The following TRMT5 variants were observed in gnomAD, a reference collection of about 807,000 sequenced individuals.
TRMT5 encodes the protein tRNA (guanine(37)-N(1))-methyltransferase.
A neutral mutation model predicts 42.2 loss-of-function variants in TRMT5; 31 were observed. The ratio of observed to expected loss-of-function variants is 0.73; its 90% CI spans 0.55 to 0.99. The LOEUF is 0.99. Ranked by LOEUF, TRMT5 falls within the 50% of genes least tolerant of loss-of-function variation. TRMT5 has a pLI of 0.00. For missense variants in TRMT5, 568 were observed against 595.0 expected (o/e 0.95, Z 0.47); for synonymous variants, 198 against 209.6 (o/e 0.94, Z 0.48).
intron 2 of TRMT5, 112 bp from the exon 3 acceptor site, chr14:60,977,750 C>T: frequency 3.8e-6 from 4 of 1,061,396 alleles, no homozygotes; most frequent in South Asian, 4.0e-5. Flanking sequence ...ATAAAGACTG[C>T]ACCTACTGTG....
chr14:60,972,380 A>G lies in TRMT5; in HGVS notation c.*2729T>C. The G allele has an allele frequency of 3.7e-6, 2 of 542,162 alleles. No homozygotes were observed. The highest frequency in any genetic ancestry group is 2.8e-5 in the South Asian group (2 of 72,098). 33.6% of individuals were successfully genotyped at this position (542,162 alleles called of 1,614,324 possible). On this transcript the variant is annotated 3_prime_UTR_variant, in exon 5 of 5. Transcript: ENST00000261249. ...CTGGCTTTGGAGGAGCAGGTTTAGC[A>G]GACAACCTCGCAGATCTTCTCTGTG... is the stretch of plus-strand genomic sequence containing the variant.
chr14:60,977,486 C>G, intron 3 of TRMT5, 28 bp downstream of exon 3: 1 of 1,582,508 alleles, frequency 6.3e-7, no homozygotes, highest in Non-Finnish European at 8.6e-7. Context: ...TATTGATATA[C>G]ACCTTACTTG....
In TRMT5 at chr14:60,975,820, C is replaced by G. The variant is rs115955317; in HGVS notation, c.1099G>C (p.Glu367Gln). Residue 367 changes from glutamate to glutamine, a missense_variant, in exon 4 of 5, where the codon GAG becomes CAG. Transcript: ENST00000261249. ...KDFLQGPVKE[E>Q]LMQLLGLSKE... ...GACAGACCCAGCAGCTGCATTAACT[C>G]TTCTTTGACTGGTCCTTGGAGGAAG... 1.0e-3 allele frequency: 1,681 copies of G among 1,614,202 alleles called. 11 individuals carry two copies. The African/African-American group carries it at 0.018, about 17-fold the overall frequency.
Position 60,976,025 on chromosome 14 carries a change from A to C in TRMT5, c.894T>G (p.Pro298=). The part of the protein sequence containing the change: ...EHSRITELLK[P]GDVLFDVFAG... ...CAAAAACATCAAATAGGACATCCCC[A>C]GGTTTGAGAAGTTCTGTGATACGGC... Residue 298 remains proline, a synonymous_variant, in exon 4 of 5, where the codon CCT becomes CCG. Coordinates refer to ENST00000261249, the MANE Select transcript of TRMT5 (RefSeq NM_020810.3). The C allele has an allele frequency of 1.4e-5, 23 of 1,614,232 alleles. No individual in the cohort carries two copies. The highest frequency in any genetic ancestry group is 1.9e-5 in the Non-Finnish European group (22 of 1,180,028).
rs758022310 is a variant in TRMT5 at position 60,981,056 on chromosome 14, C to T, written c.-83G>A. ...TCCGGTACCGATCGGATGTGGGTCG[C>T]GGGTGGATGGGCGGGTCTTCTATGA... On this transcript the variant is annotated 5_prime_UTR_variant, in exon 1 of 5. Transcript: ENST00000261249. The T allele has an allele frequency of 1.9e-6, 3 of 1,607,864 alleles. No homozygotes were observed. The highest frequency in any genetic ancestry group is 2.5e-6 in the Non-Finnish European group (3 of 1,179,882).
At chr14:60,976,528 A>C (rs941044803) in intron 3 of TRMT5, among the ~76,000 whole-genome samples, 1 of 152,192 alleles carries the variant, frequency 6.6e-6, no homozygotes, top group African/African-American at 2.4e-5. Flanking sequence ...CACACCACCC[A>C]TATCTTCATG....
chr14:60,975,001 AGTACAAGG>A lies in TRMT5; in HGVS notation c.*100_*107del, dbSNP rs2036823111. On this transcript the variant is annotated 3_prime_UTR_variant, in exon 5 of 5. Coordinates refer to ENST00000261249, the MANE Select transcript of TRMT5 (RefSeq NM_020810.3). ...ATCCTCAATTTGTAAAATAAGGCAA[AGTACAAGG>A]GTTCAATAGTAAAAACCAAACCCTA... 2.7e-6 allele frequency: 2 copies of A among 735,036 alleles called. No homozygotes were observed. Among genetic ancestry groups the A allele is most frequent in the South Asian group, 3.0e-5 (1 of 33,566 alleles). 45.5% of individuals were successfully genotyped at this position (735,036 alleles called of 1,614,324 possible).
In TRMT5 at chr14:60,974,700, G is replaced by A. The variant is rs1430843768; in HGVS notation, c.*409C>T. 2 of 152,380 alleles carry A rather than the reference G, an allele frequency of 1.3e-5. No individual in the cohort carries two copies. Among genetic ancestry groups the A allele is most frequent in the African/African-American group, 2.4e-5 (1 of 41,394 alleles). 9.4% of individuals were successfully genotyped at this position (152,380 alleles called of 1,614,324 possible). Reference sequence around the variant, plus strand: ...CTGCAGGATGTAGTTTGCCTGCCCCGTTCTAAATAATTTCATTTTTTATTA... The same window carrying A: ...CTGCAGGATGTAGTTTGCCTGCCCCATTCTAAATAATTTCATTTTTTATTA... On this transcript the variant is annotated 3_prime_UTR_variant, in exon 5 of 5. Transcript: ENST00000261249.
rs1435215109 is a variant in TRMT5, at chr14:60,981,017, C to A, written c.-44G>T. ...TCTGCAGCTGGATCCGCGAGCCGAC[C>A]CCTCACCTCCCGCTCCGGTACCGAT... On this transcript the variant is annotated 5_prime_UTR_variant, in exon 1 of 5. Coordinates refer to ENST00000261249, the MANE Select transcript of TRMT5 (RefSeq NM_020810.3). The A allele has an allele frequency of 6.2e-7, 1 of 1,611,128 alleles. No homozygotes were observed. Among genetic ancestry groups the A allele is most frequent in the Admixed American group, 1.7e-5 (1 of 60,024 alleles).
chr14:60,979,891 A>T lies in TRMT5; in HGVS notation c.12-5T>A. ...CCAAATGGCCTCCATAAGATCCTTA[A>T]AAAAAAAAAAAAAAAATTCACACAC... is the stretch of plus-strand genomic sequence containing the variant. On this transcript the variant is annotated splice_polypyrimidine_tract_variant and splice_region_variant and intron_variant, in intron 1 of 4. Transcript: ENST00000261249. The T allele has an allele frequency of 1.9e-6, 2 of 1,064,506 alleles. No individual in the cohort carries two copies. Among genetic ancestry groups the T allele is most frequent in the Non-Finnish European group, 2.5e-6 (2 of 792,108 alleles). The allele number at this position is 1,064,506 out of a possible 1,614,324, so 65.9% of individuals were successfully genotyped here.
chr14:60,979,211 T>C lies in TRMT5; in HGVS notation c.667+20A>G, dbSNP rs950737522. On this transcript the variant is annotated intron_variant, in intron 2 of 4. Coordinates refer to ENST00000261249, the MANE Select transcript of TRMT5 (RefSeq NM_020810.3). ...TGCAAATTCCCTTCAAATACATGAA[T>C]ATTACTATGACACACGTACCAATTA... 1.9e-6 allele frequency: 3 copies of C among 1,540,802 alleles called. No homozygotes were observed. In the African/African-American group the frequency reaches 4.2e-5, roughly 21 times the overall value.
chr14:60,980,582 T>C (rs1267552172), intron 1 of TRMT5, among the ~76,000 whole-genome samples: 1 of 152,220 alleles, frequency 6.6e-6, no homozygotes, highest in Non-Finnish European at 1.5e-5. Flanking sequence ...GCTTTGCTGA[T>C]TGTTATATGC....
rs1334416048 is a variant in TRMT5, at chr14:60,977,547, T to A, written c.759A>T (p.Glu253Asp). The A allele has an allele frequency of 6.2e-7, 1 of 1,611,546 alleles. No individual in the cohort carries two copies. Among genetic ancestry groups the A allele is most frequent in the South Asian group, 1.1e-5 (1 of 90,680 alleles). Residue 253 changes from glutamate (E) to aspartate (D), a missense_variant, in exon 3 of 5, where the codon GAA (glutamate) becomes GAT (aspartate). Physicochemically the swap from Glu to Asp is conservative, Grantham distance 45. Coordinates refer to ENST00000261249, the MANE Select transcript of TRMT5 (RefSeq NM_020810.3). ...IDNMYRNFQM[E>D]VLSGEQNMMT... ...TCATGTTCTGCTCTCCAGATAGCAC[T>A]TCCATTTGGAAATTTCGGTACATAT...
chr14:60,981,080 G>T, upstream of TRMT5: 1 of 1,603,664 alleles, frequency 6.2e-7, no homozygotes, highest in South Asian at 1.1e-5. Flanking sequence ...GGTCTTCTAT[G>T]ACATCATCAC....
chr14:60,979,448 G>A lies in TRMT5; in HGVS notation c.450C>T (p.Ser150=), dbSNP rs1318973777. 4 of 1,613,988 alleles carry A rather than the reference G, an allele frequency of 2.5e-6. No individual in the cohort carries two copies. Among genetic ancestry groups the A allele is most frequent in the Non-Finnish European group, 3.4e-6 (4 of 1,180,014 alleles). Residue 150 remains serine (S), a synonymous_variant, in exon 2 of 5, where the codon TCC becomes TCT. Coordinates refer to ENST00000261249, the MANE Select transcript of TRMT5 (RefSeq NM_020810.3). ...LDPYKIFTHD[S]FEKAELSVLE... Reference sequence around the variant, plus strand: ...AAACACTGAGTTCTGCTTTCTCAAAGGAATCATGAGTAAATATTTTATAGG... The same window carrying A: ...AAACACTGAGTTCTGCTTTCTCAAAAGAATCATGAGTAAATATTTTATAGG...
Position 60,980,980 on chromosome 14 carries a change from TC to T in TRMT5, c.-8del. ...CACCTCACCAAAGCACCATTCCAAT[TC>T]CCCACGTCGCTCTGCAGCTGGATCC... is the stretch of plus-strand genomic sequence containing the variant. On this transcript the variant is annotated 5_prime_UTR_variant, in exon 1 of 5. Coordinates refer to ENST00000261249, the MANE Select transcript of TRMT5 (RefSeq NM_020810.3). 1 of 1,610,550 alleles carries T rather than the reference TC, an allele frequency of 6.2e-7. No homozygotes were observed.
At chr14:60,978,960 T>C (rs2036881767) in intron 2 of TRMT5, among the ~76,000 whole-genome samples, 1 of 152,170 alleles carries the variant, frequency 6.6e-6, no homozygotes. Flanking sequence ...CTCCTCAATG[T>C]AGCTGCCAAA....
chr14:60,977,000 T>C (rs935104642), intron 3 of TRMT5, among the ~76,000 whole-genome samples: 30 of 152,284 alleles, frequency 2.0e-4, no homozygotes, highest in Admixed American at 3.9e-4. Flanking sequence ...TTCCATCTTC[T>C]GCTTTCCAGG....
intron 2 of TRMT5, 114 bp downstream of exon 2, chr14:60,979,117 A>C (rs1225420019): frequency 1.1e-5 from 10 of 924,724 alleles, no homozygotes; most frequent in Non-Finnish European, 1.6e-5. Context: ...TAAAGTTAAC[A>C]TGATAAAATG....
Sources: gnomAD v4.1 joint callset for allele counts (sites outside exome capture counted in the v4.1 genomes callset) on GRCh38, gnomAD v4.1.1 for gene constraint, MANE v1.5 for transcripts, NCBI Gene and HGNC (gene_info 2026-07-23, HGNC 2026-07-21) for gene names.